Variants in TNRC18 observed in about 807,000 individuals in gnomAD.
TNRC18 encodes the protein trinucleotide repeat-containing gene 18 protein.
A neutral mutation model predicts 226.7 loss-of-function variants in TNRC18; 69 were observed. The observed-to-expected ratio is 0.30, with a 90% CI of 0.25 to 0.37. The LOEUF (loss-of-function observed/expected upper bound fraction) is 0.37, where lower values mean the gene tolerates loss of function less well. Ranked by LOEUF, TNRC18 falls within the 10% of genes least tolerant of loss-of-function variation. The pLI, the probability that TNRC18 is intolerant of heterozygous loss-of-function variation, is 1.00. For missense variants in TNRC18, 4,754 were observed against 4,256.6 expected, an observed-to-expected ratio of 1.12 and a Z score of -3.25; for synonymous variants, 2,449 against 1,927.6, an observed-to-expected ratio of 1.27 and a Z score of -7.09.
intron 2 of TNRC18, among the ~76,000 whole-genome samples, chr7:5,415,982 C>T (rs1782158496): frequency 1.3e-5 from 2 of 151,150 alleles, no homozygotes; most frequent in African/African-American, 2.4e-5. Context: ...GGCGTGGTGG[C>T]AGGCGCCTGT....
In TNRC18 at chr7:5,345,517, G is replaced by GTCCC; in HGVS notation, c.5719+44_5719+45insGGGA. 2.6e-4 allele frequency: 99 copies of GTCCC among 377,744 alleles called. 6 individuals carry two copies. The highest frequency in any genetic ancestry group is 1.7e-3 in the South Asian group (38 of 22,822). 23.4% of individuals were successfully genotyped at this position (377,744 alleles called of 1,614,324 possible). On this transcript the variant is annotated intron_variant, in intron 18 of 29. Coordinates refer to ENST00000430969, the MANE Select transcript of TNRC18 (RefSeq NM_001080495.3). ...CCTGTGGGATGGGGCAATGGCGTCC[G>GTCCC]CCCCTCCCACCCACCCCCACCGCAG...
intron 29 of TNRC18, 55 bp downstream of exon 29, chr7:5,308,820 C>G: frequency 1.3e-6 from 2 of 1,537,352 alleles, no homozygotes; most frequent in African/African-American, 1.4e-5. Flanking sequence ...TCTGAGCTGC[C>G]CGGAAGGAAG....
chr7:5,368,329 A>T (rs573479760), intron 11 of TNRC18, among the ~76,000 whole-genome samples: 23 of 149,584 alleles, frequency 1.5e-4, no homozygotes, highest in Non-Finnish European at 2.4e-4. Context: ...AAAAAAAATT[A>T]AAAAACCCAC....
intron 18 of TNRC18, among the ~76,000 whole-genome samples, chr7:5,343,468 G>C (rs1252555902): frequency 6.6e-6 from 1 of 152,166 alleles, no homozygotes; most frequent in Non-Finnish European, 1.5e-5. Context: ...TCTTGCCTGG[G>C]CTTCAGTGCA....
chr7:5,356,761 G>A (rs1562538738), intron 16 of TNRC18, among the ~76,000 whole-genome samples, 155 bp downstream of exon 16: 2 of 152,120 alleles, frequency 1.3e-5, no homozygotes, highest in Non-Finnish European at 1.5e-5. Context: ...CCGGCTTGGA[G>A]GCCATGCCAA....
intron 18 of TNRC18, among the ~76,000 whole-genome samples, chr7:5,339,202 A>G (rs1790420657): frequency 6.7e-6 from 1 of 148,318 alleles, no homozygotes; most frequent in African/African-American, 2.5e-5. Context: ...TCACCAACAA[A>G]TGTGTTTTTT....
At chr7:5,316,506 C>T (rs1364788462) in intron 24 of TNRC18, among the ~76,000 whole-genome samples, 2 of 151,942 alleles carry the variant, frequency 1.3e-5, no homozygotes, top group Non-Finnish European at 2.9e-5. Flanking sequence ...CTCGAACTCC[C>T]GACCTCAGGT....
At chr7:5,398,609 GT>G (rs1780865975) in intron 2 of TNRC18, among the ~76,000 whole-genome samples, 1 of 118,412 alleles carries the variant, frequency 8.4e-6, no homozygotes, top group African/African-American at 3.3e-5. Flanking sequence ...ATGAGCCACC[GT>G]GCCCGGCCTC....
At chr7:5,351,205 G>A (rs560873770) in intron 17 of TNRC18, among the ~76,000 whole-genome samples, 42 of 152,132 alleles carry the variant, frequency 2.8e-4, no homozygotes, top group African/African-American at 1.0e-3. Context: ...AGGGAGGGGA[G>A]GAGGTGGGGG....
intron 2 of TNRC18, chr7:5,420,175 G>A (rs1449610163): frequency 1.2e-5 from 4 of 328,932 alleles, no homozygotes; most frequent in African/African-American, 2.3e-5. Context: ...CGCAGCGCCC[G>A]CCCGGGTACC....
At chr7:5,330,237 CTTTAT>C (rs1789376493) in intron 19 of TNRC18, among the ~76,000 whole-genome samples, 1 of 151,958 alleles carries the variant, frequency 6.6e-6, no homozygotes, top group African/African-American at 2.4e-5. Context: ...CAGCCTTTTT[CTTTAT>C]TTTGAGACAG....
chr7:5,375,187 T>A (rs1200283864), intron 9 of TNRC18, among the ~76,000 whole-genome samples: 2 of 152,148 alleles, frequency 1.3e-5, no homozygotes, highest in African/African-American at 4.8e-5. Context: ...CATGTGCCTG[T>A]AATTCCAGCT....
chr7:5,309,266 C>T lies in TNRC18; in HGVS notation c.8491G>A (p.Gly2831Ser). The change falls in exon 28 of 30, where the codon GGC becomes AGC. Residue 2831 changes from glycine (G) to serine (S), a missense_variant. Transcript: ENST00000430969. This position sits in a 1 kb window ranked among gnomAD's most constrained non-coding sequence, Gnocchi z 5.7. ...IGDCAVFLSA[G>S]RPNLPYIGRI... ...CCGATGTAGGGCAGGTTGGGGCGGC[C>T]GGCAGAGAGGAACACGGCACAGTCC... 1.2e-6 allele frequency: 2 copies of T among 1,613,858 alleles called. No homozygotes were observed. The highest frequency in any genetic ancestry group is 1.3e-5 in the African/African-American group (1 of 75,052).
At chr7:5,351,415 G>A (rs1432104770) in intron 17 of TNRC18, among the ~76,000 whole-genome samples, 26 of 145,292 alleles carry the variant, frequency 1.8e-4, no homozygotes, top group Admixed American at 1.7e-3. Flanking sequence ...AGCCTCCACC[G>A]AACCCGTGCC....
At chr7:5,396,866 C>A (rs1240688964) in intron 2 of TNRC18, among the ~76,000 whole-genome samples, 1 of 152,196 alleles carries the variant, frequency 6.6e-6, no homozygotes, top group Non-Finnish European at 1.5e-5. Context: ...CCCAGTGCCT[C>A]CCTTCTCCCC....
intron 2 of TNRC18, among the ~76,000 whole-genome samples, chr7:5,418,221 T>C (rs953358129): frequency 1.3e-5 from 2 of 152,230 alleles, no homozygotes; most frequent in East Asian, 3.8e-4. Context: ...GTCAGTTACA[T>C]GCCCATCTCC....
chr7:5,357,744 C>T (rs914959020), intron 15 of TNRC18, among the ~76,000 whole-genome samples: 1 of 152,234 alleles, frequency 6.6e-6, no homozygotes, highest in Non-Finnish European at 1.5e-5. Context: ...CCACCTCAGC[C>T]TCCCAAACTG....
rs772991910 is a variant in TNRC18, at chr7:5,381,204, T to C, written c.2153-3180A>G. ...AATGTGGTTGGCCTCTGAAGAGAGA[T>C]AGTGAGCCCTCTGTCCCCCACCCCT... is the stretch of plus-strand genomic sequence containing the variant. On this transcript the variant is annotated intron_variant, in intron 5 of 29. Transcript: ENST00000430969. Among the ~76,000 whole-genome samples the C allele has an allele frequency of 2.5e-4, 38 of 152,232 alleles. 1 individual carries two copies. Among genetic ancestry groups the C allele is most frequent in the Admixed American group, 3.3e-4 (5 of 15,284 alleles).
chr7:5,363,423 A>G (rs1266807016), intron 11 of TNRC18, among the ~76,000 whole-genome samples: 1 of 151,870 alleles, frequency 6.6e-6, no homozygotes, highest in Non-Finnish European at 1.5e-5. Flanking sequence ...TAACACGGTG[A>G]AATCCCATCT....
Sources: gnomAD v4.1 joint callset for allele counts (sites outside exome capture counted in the v4.1 genomes callset) on GRCh38, gnomAD v4.1.1 for gene constraint, Gnocchi (gnomAD v3.1) non-coding constraint, MANE v1.5 for transcripts, NCBI Gene and HGNC (gene_info 2026-07-23, HGNC 2026-07-21) for gene names.